DMD: variants seen among roughly 807,000 people sequenced by gnomAD.
DMD encodes the protein dystrophin.
DMD carries 63 observed loss-of-function variants against 330.1 expected under a neutral mutation model. The ratio of observed to expected loss-of-function variants is 0.19; its 90% CI spans 0.16 to 0.24. The LOEUF is 0.24. DMD is among the 10% of genes least tolerant of loss of function. DMD has a pLI of 1.00. For missense variants in DMD, 3,344 were observed against 2,684.1 expected (o/e 1.25, Z -5.43); for synonymous variants, 1,223 against 959.8 (o/e 1.27, Z -5.07).
At chrX:31,131,259 G>C (rs1207847457) in intron 77 of DMD, among the ~76,000 whole-genome samples, 1 of 112,036 alleles carries the variant, frequency 8.9e-6, no homozygotes, top group Admixed American at 9.4e-5. Context: ...TAAACCACTG[G>C]TTCAGAAAAT....
At chrX:32,014,929 C>G (rs1416771409) in intron 44 of DMD, among the ~76,000 whole-genome samples, 1 of 112,027 alleles carries the variant, frequency 8.9e-6, no homozygotes, top group African/African-American at 3.3e-5. Flanking sequence ...CAAAGCAGTA[C>G]CAGAATATCT....
intron 2 of DMD, among the ~76,000 whole-genome samples, chrX:32,874,852 C>T (rs1239371990): frequency 9.0e-6 from 1 of 111,438 alleles, no homozygotes; most frequent in African/African-American, 3.3e-5. Flanking sequence ...TACAAGTCCT[C>T]TGGTTGACAG....
chrX:31,838,358 A>C (rs2093249640), intron 48 of DMD, among the ~76,000 whole-genome samples: 1 of 112,367 alleles, frequency 8.9e-6, no homozygotes, highest in Admixed American at 9.5e-5. Flanking sequence ...AAGGAAAAAA[A>C]GTAACTGAAT....
At chrX:32,885,824 GGGGAAA>G (rs1276640601) in intron 2 of DMD, among the ~76,000 whole-genome samples, 71 of 33,210 alleles carry the variant, frequency 2.1e-3, no homozygotes, top group African/African-American at 5.9e-3. Context: ...TTCCCTTGAG[GGGGAAA>G]AAAAAAAAAA....
intron 44 of DMD, among the ~76,000 whole-genome samples, chrX:32,153,104 G>A (rs1395066782): frequency 1.8e-5 from 2 of 111,942 alleles, no homozygotes; most frequent in African/African-American, 3.2e-5. Flanking sequence ...CCTTACTGAC[G>A]TCTCTATTAG....
intron 1 of DMD, among the ~76,000 whole-genome samples, chrX:33,154,029 T>C (rs1035304666): frequency 7.1e-5 from 8 of 112,435 alleles, no homozygotes; most frequent in Admixed American, 3.8e-4. Flanking sequence ...TTCAATCTAT[T>C]TCTTTCAAAC....
chrX:31,976,112 G>GGA (rs1253968517), intron 44 of DMD, among the ~76,000 whole-genome samples: 1 of 110,511 alleles, frequency 9.0e-6, no homozygotes, highest in Non-Finnish European at 1.9e-5. Context: ...AGACCAAGCA[G>GGA]GAGATATCAT....
chrX:31,845,954 A>C (rs2149531548), intron 48 of DMD, among the ~76,000 whole-genome samples: 1 of 111,424 alleles, frequency 9.0e-6, no homozygotes, highest in South Asian at 3.8e-4. Flanking sequence ...GTTGGACAAT[A>C]TTGTCCCAGT....
rs112467375 is a variant in DMD at position 31,359,559 on chromosome X, T to C, written c.9085-10925A>G. ...ACACTACCAACAATGACAGTAATAA[T>C]AGCAAACATTTATAGAGCATTTACT... On this transcript the variant is annotated intron_variant, in intron 60 of 78. Coordinates refer to ENST00000357033, the MANE Select transcript of DMD (RefSeq NM_004006.3). 5.6e-3 allele frequency among the ~76,000 whole-genome samples: 635 copies of C among 112,424 alleles called. 9 individuals are homozygous for C. The highest frequency in any genetic ancestry group is 0.02 in the African/African-American group (609 of 30,995).
chrX:32,558,970 A>ATTTT (rs2050685221), intron 16 of DMD, among the ~76,000 whole-genome samples: 1 of 27,801 alleles, frequency 3.6e-5, no homozygotes, highest in Non-Finnish European at 5.9e-5. Context: ...TTTTTTTTTG[A>ATTTT]GACGAAGTCT....
intron 1 of DMD, among the ~76,000 whole-genome samples, chrX:33,237,779 G>A (rs528210953): frequency 8.9e-6 from 1 of 111,746 alleles, no homozygotes; most frequent in African/African-American, 3.3e-5. Context: ...TGTATTGCTC[G>A]ATTTTGATAT....
At chrX:32,074,777 CT>C (rs199900518) in intron 44 of DMD, among the ~76,000 whole-genome samples, 45 of 101,352 alleles carry the variant, frequency 4.4e-4, no homozygotes, top group Middle Eastern at 5.1e-3. Context: ...TAAAAATAAA[CT>C]TTTTTTTTTT....
intron 1 of DMD, among the ~76,000 whole-genome samples, chrX:33,112,923 A>T (rs2095351261): frequency 9.1e-6 from 1 of 109,458 alleles, no homozygotes. Flanking sequence ...ATTGCACTCC[A>T]GTTTGGGCAA....
intron 44 of DMD, among the ~76,000 whole-genome samples, chrX:32,039,971 A>G (rs1191301192): frequency 8.9e-6 from 1 of 112,112 alleles, no homozygotes; most frequent in African/African-American, 3.2e-5. Flanking sequence ...CATGTACCCT[A>G]TATAAATATA....
At chrX:32,516,716 T>G (rs2045895876) in intron 18 of DMD, 1 of 111,715 alleles carries the variant, frequency 9.0e-6, no homozygotes, top group Non-Finnish European at 1.9e-5. Flanking sequence ...GTTCTCTAAT[T>G]AATTTTCTAC....
chrX:32,950,070 G>C (rs1377325509), intron 2 of DMD, among the ~76,000 whole-genome samples: 1 of 102,112 alleles, frequency 9.8e-6, no homozygotes, highest in Admixed American at 1.1e-4. Flanking sequence ...CCATGAACTA[G>C]ATTTTTAGAA....
intron 43 of DMD, among the ~76,000 whole-genome samples, chrX:32,239,167 G>A (rs993186324): frequency 2.7e-5 from 3 of 111,185 alleles, no homozygotes; most frequent in East Asian, 2.8e-4. Context: ...AAAGGTCTCC[G>A]TACATTGTCA....
At chrX:33,305,947 A>G (rs1003353487) in intron 1 of DMD, among the ~76,000 whole-genome samples, 4 of 112,148 alleles carry the variant, frequency 3.6e-5, no homozygotes, top group African/African-American at 6.5e-5. Flanking sequence ...GAAAAATATA[A>G]AAGAGAATTT....
intron 44 of DMD, among the ~76,000 whole-genome samples, chrX:32,053,890 C>A (rs757940250): frequency 9.0e-6 from 1 of 110,872 alleles, no homozygotes; most frequent in African/African-American, 3.3e-5. Context: ...AAAGTAGGAT[C>A]TATACCTTAA....
Sources: gnomAD v4.1 joint callset for allele counts (sites outside exome capture counted in the v4.1 genomes callset) on GRCh38, gnomAD v4.1.1 for gene constraint, MANE v1.5 for transcripts, NCBI Gene and HGNC (gene_info 2026-07-23, HGNC 2026-07-21) for gene names.